The following MAP4 variants were observed in gnomAD, a reference collection of about 807,000 sequenced individuals.
MAP4 encodes the protein microtubule-associated protein 4.
Under a neutral mutation model 170.2 loss-of-function variants are expected in MAP4, and 76 were observed. The ratio of observed to expected loss-of-function variants is 0.45; its 90% confidence interval spans 0.37 to 0.54. The LOEUF (loss-of-function observed/expected upper bound fraction) is 0.54. MAP4 is among the 20% of genes least tolerant of loss of function. The pLI, the probability that MAP4 is intolerant of heterozygous loss-of-function variation, is 0.00. For synonymous variants in MAP4, 909 were observed against 994.5 expected (o/e 0.91, Z 1.62); for missense variants, 2,506 against 2,748.0 (o/e 0.91, Z 1.97).
At chr3:47,875,635 A>G in intron 12 of MAP4, 50 bp downstream of exon 12, 1 of 1,482,816 alleles carries the variant, frequency 6.7e-7, no homozygotes, top group East Asian at 2.3e-5. Flanking sequence ...TCTATCTGAC[A>G]CTCAGAGGGG....
intron 1 of MAP4, among the ~76,000 whole-genome samples, chr3:48,052,606 A>T (rs2100128529): frequency 6.6e-6 from 1 of 152,250 alleles, no homozygotes; most frequent in Non-Finnish European, 1.5e-5. Context: ...TGTACATTTT[A>T]AGTGGCTGAA....
At chr3:47,975,314 G>A (rs1289538591) in intron 3 of MAP4, 15 of 1,522,136 alleles carry the variant, frequency 9.9e-6, no homozygotes, top group Middle Eastern at 1.7e-4. Flanking sequence ...AATAGGCCCC[G>A]AAGAACTACC....
At chr3:48,042,985 G>A (rs1375226994) in intron 1 of MAP4, among the ~76,000 whole-genome samples, 1 of 152,120 alleles carries the variant, frequency 6.6e-6, no homozygotes, top group Non-Finnish European at 1.5e-5. Context: ...ATTGTATTAG[G>A]GAGTGATAAA....
intron 17 of MAP4, among the ~76,000 whole-genome samples, chr3:47,861,479 A>T (rs1316585279): frequency 6.6e-6 from 1 of 151,608 alleles, no homozygotes; most frequent in Non-Finnish European, 1.5e-5. Flanking sequence ...CAGCTTTCCA[A>T]GTAGCTGGGA....
rs554984915 is a variant in MAP4 at position 47,870,908 on chromosome 3, G to A, written c.6199C>T (p.Arg2067Cys). The A allele has an allele frequency of 1.7e-5, 28 of 1,613,988 alleles. No individual in the cohort carries two copies. The highest frequency in any genetic ancestry group is 1.6e-4 in the East Asian group (7 of 44,884). Reference protein sequence around the residue: ...KPSSTTPRLSRLATNTSAPDL... With the variant: ...KPSSTTPRLSCLATNTSAPDL... ...GGAGCAGAAGTATTGGTGGCCAGGC[G>A]GCTGAGCCGGGGGGTGGTGGAGCTG... The change falls in exon 15 of 21, where the codon CGC becomes TGC. Residue 2067 changes from arginine to cysteine, a missense_variant. Arg to Cys is a radical substitution (Grantham distance 180). Around this residue, in one of 3 missense-constraint regions of MAP4, gnomAD observed 487 missense variants for 511.6 expected, o/e 0.95. Coordinates refer to ENST00000683076, the MANE Select transcript of MAP4 (RefSeq NM_001385682.1).
intron 1 of MAP4, among the ~76,000 whole-genome samples, chr3:48,000,686 T>C (rs1439444468): frequency 1.3e-5 from 2 of 152,224 alleles, no homozygotes; most frequent in African/African-American, 2.4e-5. Flanking sequence ...TTCTTTTGCC[T>C]AATTTAGCCA....
At chr3:48,083,284 C>T (rs968435485) in intron 1 of MAP4, among the ~76,000 whole-genome samples, 2 of 152,186 alleles carry the variant, frequency 1.3e-5, no homozygotes, top group Non-Finnish European at 2.9e-5. Flanking sequence ...TCTGTACTAC[C>T]TTTACAACTC....
intron 3 of MAP4, among the ~76,000 whole-genome samples, chr3:47,951,027 G>A (rs537123900): frequency 4.2e-4 from 64 of 152,096 alleles, no homozygotes; most frequent in Non-Finnish European, 8.2e-4. Context: ...TTTCAAGTAG[G>A]TCAGTTTTGG....
At chr3:47,935,939 CAAAA>C (rs74405606) in intron 3 of MAP4, among the ~76,000 whole-genome samples, 1 of 59,274 alleles carries the variant, frequency 1.7e-5, no homozygotes, top group Admixed American at 1.8e-4. Context: ...ACTTAGTCTC[CAAAA>C]AAAAAAAAAA....
chr3:48,014,884 G>T (rs1156572931), intron 1 of MAP4, among the ~76,000 whole-genome samples: 1 of 152,168 alleles, frequency 6.6e-6, no homozygotes, highest in Non-Finnish European at 1.5e-5. Context: ...TCATCCCAGA[G>T]ATGGTTCTAT....
intron 3 of MAP4, among the ~76,000 whole-genome samples, chr3:47,952,313 G>A (rs1578218137): frequency 1.4e-5 from 2 of 147,120 alleles, no homozygotes; most frequent in Non-Finnish European, 3.0e-5. Flanking sequence ...GGAGGTGAGG[G>A]GCGCCTCTGC....
intron 1 of MAP4, among the ~76,000 whole-genome samples, chr3:48,012,051 C>A (rs2100105573): frequency 6.6e-6 from 1 of 152,186 alleles, no homozygotes; most frequent in Non-Finnish European, 1.5e-5. Context: ...GATCCCCATC[C>A]TTCACCTATT....
intron 1 of MAP4, among the ~76,000 whole-genome samples, chr3:48,028,442 A>G (rs1408985661): frequency 6.6e-6 from 1 of 152,104 alleles, no homozygotes; most frequent in East Asian, 1.9e-4. Context: ...AAGTCAGTAG[A>G]CAGGAAAGGT....
chr3:47,901,899 C>T (rs527775102), intron 10 of MAP4, among the ~76,000 whole-genome samples: 29 of 152,232 alleles, frequency 1.9e-4, no homozygotes, highest in Middle Eastern at 3.4e-3. Context: ...GTGCCTCACA[C>T]CTAGAATCTC....
At position 47,857,445 on chromosome 3, in the gene MAP4, A is replaced by C; in HGVS notation, c.6569T>G (p.Ile2190Ser). ...VSSKCGSKAN[I>S]KHKPGGGDVK... ...GCACCACTCACCAGGCTTGTGCTTG[A>C]TGTTAGCCTTAGACCCACACTTGGA... is the stretch of plus-strand genomic sequence containing the variant. Residue 2190 changes from isoleucine (I) to serine (S), a missense_variant, in exon 18 of 21, where the codon ATC becomes AGC. Transcript: ENST00000683076. 6.2e-7 allele frequency: 1 copy of C among 1,614,060 alleles called. No homozygotes were observed. Among genetic ancestry groups the C allele is most frequent in the Non-Finnish European group, 8.5e-7 (1 of 1,179,956 alleles).
At chr3:48,025,190 T>C (rs1209530561) in intron 1 of MAP4, among the ~76,000 whole-genome samples, 1 of 152,166 alleles carries the variant, frequency 6.6e-6, no homozygotes, top group Non-Finnish European at 1.5e-5. Flanking sequence ...TGAACATTTA[T>C]TTACTGACAA....
At chr3:47,891,370 C>A (rs575494560) in intron 10 of MAP4, 2 of 1,536,080 alleles carry the variant, frequency 1.3e-6, no homozygotes, top group African/African-American at 2.7e-5. Flanking sequence ...ACAAGATGGG[C>A]AGTTTCCCAG....
intron 17 of MAP4, among the ~76,000 whole-genome samples, chr3:47,864,087 C>A (rs1268007511): frequency 6.6e-6 from 1 of 152,036 alleles, no homozygotes; most frequent in Non-Finnish European, 1.5e-5. Context: ...AAGGAATCCT[C>A]CCCTCTCAGC....
intron 10 of MAP4, among the ~76,000 whole-genome samples, chr3:47,898,373 G>A (rs745657538): frequency 3.4e-4 from 52 of 151,968 alleles, no homozygotes; most frequent in African/African-American, 1.2e-3. Context: ...GTGGTGGCAC[G>A]CACCTGTAGT....
Sources: allele counts gnomAD v4.1 joint callset (sites outside exome capture counted in the v4.1 genomes callset), GRCh38; gene constraint gnomAD v4.1.1; regional missense constraint gnomAD v4.1.1; transcripts MANE v1.5; gene names NCBI Gene and HGNC (gene_info 2026-07-23, HGNC 2026-07-21).